The following EIF3H variants were observed in gnomAD, a reference collection of about 807,000 sequenced individuals.
The protein encoded by EIF3H is eukaryotic translation initiation factor 3 subunit H, also known as eIF-3-gamma.
Under a neutral mutation model 44.2 loss-of-function variants are expected in EIF3H, and 26 were observed. The observed-to-expected ratio is 0.59, with a 90% confidence interval of 0.43 to 0.82. The LOEUF (loss-of-function observed/expected upper bound fraction) is 0.82, where lower values mean the gene tolerates loss of function less well. Ranked by LOEUF, EIF3H falls within the 40% of genes least tolerant of loss-of-function variation. The pLI is 0.00. For missense variants in EIF3H, 359 were observed against 432.8 expected, an observed-to-expected ratio of 0.83 and a Z score of 1.51; for synonymous variants, 166 against 151.9, an observed-to-expected ratio of 1.09 and a Z score of -0.68.
At chr8:116,757,669 T>TA (rs1563665052), upstream of EIF3H, among the ~76,000 whole-genome samples, 1 of 150,648 alleles carries the variant, frequency 6.6e-6, no homozygotes, top group Non-Finnish European at 1.5e-5. Context: ...AGAGAATGAA[T>TA]AAAAAATAAC....
At chr8:116,678,801 C>T (rs1257400234) in intron 2 of EIF3H, among the ~76,000 whole-genome samples, 2 of 146,168 alleles carry the variant, frequency 1.4e-5, no homozygotes, top group Non-Finnish European at 3.1e-5. Flanking sequence ...GTCCGGCAGC[C>T]ACCCCGTCTG....
At chr8:116,709,771 C>A (rs1021686275) in intron 2 of EIF3H, among the ~76,000 whole-genome samples, 2 of 152,158 alleles carry the variant, frequency 1.3e-5, no homozygotes, top group East Asian at 3.9e-4. Flanking sequence ...ATTATTAAAT[C>A]TACCTCAACA....
At chr8:116,657,113 AAAAG>A in intron 4 of EIF3H, 98 bp downstream of exon 4, 3 of 1,014,168 alleles carry the variant, frequency 3.0e-6, no homozygotes, top group Non-Finnish European at 4.6e-6. Flanking sequence ...TCCACATGGC[AAAAG>A]CATTACCACA....
At chr8:116,701,660 G>A (rs1191183721) in intron 2 of EIF3H, among the ~76,000 whole-genome samples, 1 of 151,974 alleles carries the variant, frequency 6.6e-6, no homozygotes, top group East Asian at 1.9e-4. Context: ...CAAATCATGG[G>A]GATTATTCTT....
At chr8:116,653,854 C>T (rs533040050) in intron 5 of EIF3H, among the ~76,000 whole-genome samples, 4 of 152,188 alleles carry the variant, frequency 2.6e-5, no homozygotes, top group South Asian at 2.1e-4. Flanking sequence ...ATGTTTTAGT[C>T]GTCGCAGAGA....
upstream of EIF3H, among the ~76,000 whole-genome samples, chr8:116,757,988 C>T (rs1214291659): frequency 1.3e-5 from 2 of 152,146 alleles, no homozygotes; most frequent in Non-Finnish European, 2.9e-5. Context: ...TCCCAAAGTG[C>T]TGGGATTATA....
chr8:116,718,966 A>C (rs759841148), intron 2 of EIF3H, among the ~76,000 whole-genome samples: 1 of 152,122 alleles, frequency 6.6e-6, no homozygotes, highest in Non-Finnish European at 1.5e-5. Context: ...GAAAATGCTA[A>C]TTGTGATAAA....
rs532087700 is a variant in EIF3H at position 116,739,435 on chromosome 8, G to A, written c.133-13263C>T. On this transcript the variant is annotated intron_variant, in intron 1 of 7. Coordinates refer to ENST00000521861, the MANE Select transcript of EIF3H (RefSeq NM_003756.3). ...GGAGGCCGCGGCGGGCAGATCACGA[G>A]GTCAGGAGATCGAGACCATCCTGGC... Among the ~76,000 whole-genome samples, 8 of 152,316 alleles carry A rather than the reference G, an allele frequency of 5.3e-5. No individual in the cohort carries two copies. The East Asian group carries it at 1.4e-3, about 26-fold the overall frequency.
At chr8:116,727,172 G>C (rs908040859) in intron 1 of EIF3H, among the ~76,000 whole-genome samples, 4 of 152,210 alleles carry the variant, frequency 2.6e-5, no homozygotes, top group Non-Finnish European at 4.4e-5. Context: ...TCTGTGTGCA[G>C]CCTGAGCCCA....
At chr8:116,739,157 AAAC>A (rs1815089067) in intron 1 of EIF3H, among the ~76,000 whole-genome samples, 1 of 152,228 alleles carries the variant, frequency 6.6e-6, no homozygotes, top group Admixed American at 6.5e-5. Flanking sequence ...CTCAAACCAC[AAAC>A]AACAGCATGA....
At chr8:116,722,596 A>AT (rs375137197) in intron 2 of EIF3H, among the ~76,000 whole-genome samples, 8 of 152,208 alleles carry the variant, frequency 5.3e-5, no homozygotes, top group African/African-American at 1.7e-4. Context: ...GTAGTATTAT[A>AT]TTTTTTTAAA....
intron 1 of EIF3H, among the ~76,000 whole-genome samples, chr8:116,743,798 A>ATATAT (rs1491232249): frequency 0.028 from 2,201 of 79,220 alleles, 38 homozygotes; most frequent in East Asian, 0.041. Flanking sequence ...ATATATATAT[A>ATATAT]AACACACACA....
intron 1 of EIF3H, among the ~76,000 whole-genome samples, chr8:116,728,652 A>G (rs1428172981): frequency 6.6e-6 from 1 of 152,150 alleles, no homozygotes; most frequent in Non-Finnish European, 1.5e-5. Context: ...CAGACCTTCA[A>G]TACTACGAAA....
At chr8:116,692,640 T>C (rs1231564793) in intron 2 of EIF3H, among the ~76,000 whole-genome samples, 3 of 152,204 alleles carry the variant, frequency 2.0e-5, no homozygotes, top group Non-Finnish European at 4.4e-5. Context: ...AAGTACAGTT[T>C]GTCCTACAGA....
At chr8:116,698,453 C>A (rs1344439959) in intron 2 of EIF3H, among the ~76,000 whole-genome samples, 2 of 152,166 alleles carry the variant, frequency 1.3e-5, no homozygotes, top group Non-Finnish European at 2.9e-5. Flanking sequence ...AGTCTTCTTG[C>A]ATTCAACTAT....
At chr8:116,722,455 A>G (rs566384234) in intron 2 of EIF3H, among the ~76,000 whole-genome samples, 1 of 152,324 alleles carries the variant, frequency 6.6e-6, no homozygotes, top group South Asian at 2.1e-4. Flanking sequence ...AATTTTACCA[A>G]TAAAGCTGAA....
intron 2 of EIF3H, among the ~76,000 whole-genome samples, chr8:116,675,121 T>C (rs1813827668): frequency 6.6e-6 from 1 of 152,166 alleles, no homozygotes; most frequent in Admixed American, 6.5e-5. Flanking sequence ...CTCTTTGTAT[T>C]TTTAAATCAC....
At chr8:116,689,034 A>C (rs1814128019) in intron 2 of EIF3H, 2 of 422,698 alleles carry the variant, frequency 4.7e-6, no homozygotes, top group Admixed American at 2.7e-5. Context: ...ATAATAGGCA[A>C]ATGTTCAGAT....
chr8:116,698,983 C>CA (rs956572765), intron 2 of EIF3H, among the ~76,000 whole-genome samples: 30 of 151,642 alleles, frequency 2.0e-4, no homozygotes, highest in Middle Eastern at 3.4e-3. Context: ...CCCGTCTCTA[C>CA]AAAAAAAATA....
Sources: gnomAD v4.1 joint callset for allele counts (sites outside exome capture counted in the v4.1 genomes callset) on GRCh38, gnomAD v4.1.1 for gene constraint, MANE v1.5 for transcripts, NCBI Gene and HGNC (gene_info 2026-07-23, HGNC 2026-07-21) for gene names.